The following BNC2 variants were observed in gnomAD, a reference collection of about 807,000 sequenced individuals.
BNC2 encodes zinc finger protein basonuclin-2.
In BNC2, 20 loss-of-function variants were observed where a neutral mutation model predicts 76.3. The observed-to-expected ratio is 0.26, with a 90% CI of 0.18 to 0.38. The LOEUF is 0.38. Among genes scored for constraint, BNC2 ranks in the 10% least tolerant of loss-of-function variants. The probability of loss-of-function intolerance (pLI) is 1.00; values close to 1 mark genes in which losing one functional copy is unlikely to be tolerated. For synonymous variants in BNC2, 582 were observed against 514.8 expected (o/e 1.13, Z -1.77); for missense variants, 1,382 against 1,399.8 (o/e 0.99, Z 0.20).
chr9:16,634,929 C>G (rs1229916068), intron 3 of BNC2, among the ~76,000 whole-genome samples: 2 of 151,994 alleles, frequency 1.3e-5, no homozygotes, highest in East Asian at 3.9e-4. Context: ...CCAGCAATTT[C>G]CTTACATATT....
chr9:16,490,254 A>G (rs1243756965), intron 5 of BNC2, among the ~76,000 whole-genome samples: 2 of 152,304 alleles, frequency 1.3e-5, no homozygotes, highest in East Asian at 1.9e-4. Context: ...GGTGAGAGGC[A>G]CTTCTAACAT....
chr9:16,696,597 GAACT>G (rs951205315), intron 3 of BNC2, among the ~76,000 whole-genome samples: 2 of 152,104 alleles, frequency 1.3e-5, no homozygotes, highest in African/African-American at 4.8e-5. Flanking sequence ...TTAGGATCAA[GAACT>G]AACTTATTTC....
At position 16,414,834 on chromosome 9, in the gene BNC2, G is replaced by A. The variant is rs552099874; in HGVS notation, c.*4155C>T. 7.2e-5 allele frequency: 11 copies of A among 152,202 alleles called. No individual in the cohort carries two copies. The highest frequency in any genetic ancestry group is 2.6e-4 in the African/African-American group (11 of 41,510). The allele number at this position is 152,202 out of a possible 1,614,324, so 9.4% of individuals were successfully genotyped here. ...GTGTACAGAGAAAGGGGAAAAAAAGGTCACATTGTATTTGGTGGGAACCTA... is the reference window on the plus strand; with the variant it reads ...GTGTACAGAGAAAGGGGAAAAAAAGATCACATTGTATTTGGTGGGAACCTA... On this transcript the variant is annotated 3_prime_UTR_variant, in exon 7 of 7. Transcript: ENST00000380672.
intron 1 of BNC2, among the ~76,000 whole-genome samples, chr9:16,830,653 T>C (rs151334698): frequency 4.5e-4 from 69 of 152,330 alleles, no homozygotes; most frequent in African/African-American, 1.6e-3. Flanking sequence ...AACTTACAAA[T>C]CTTGTTTCCA....
At chr9:16,870,504 G>T in intron 1 of BNC2, 142 bp downstream of exon 1, 1 of 836,926 alleles carries the variant, frequency 1.2e-6, no homozygotes, top group Non-Finnish European at 1.8e-6. Flanking sequence ...TCCCCGGCCC[G>T]CCCTCCTCAG....
intron 5 of BNC2, among the ~76,000 whole-genome samples, chr9:16,491,486 G>A (rs1196251733): frequency 6.6e-6 from 1 of 152,170 alleles, no homozygotes; most frequent in Non-Finnish European, 1.5e-5. Flanking sequence ...AACTCCTACA[G>A]CACACGCAGT....
chr9:16,770,082 A>G (rs920812538), intron 1 of BNC2, among the ~76,000 whole-genome samples: 1 of 152,184 alleles, frequency 6.6e-6, no homozygotes, highest in African/African-American at 2.4e-5. Context: ...GCCAGAAACA[A>G]GGAGGTCTTT....
chr9:16,421,619 A>C (rs562703571), intron 6 of BNC2, among the ~76,000 whole-genome samples: 1 of 152,236 alleles, frequency 6.6e-6, no homozygotes, highest in East Asian at 1.9e-4. Flanking sequence ...TGATAAACAG[A>C]AGTTGTCCCC....
At chr9:16,743,496 G>A (rs551889852) in intron 1 of BNC2, among the ~76,000 whole-genome samples, 112 of 152,266 alleles carry the variant, frequency 7.4e-4, no homozygotes, top group Non-Finnish European at 1.3e-3. Flanking sequence ...TATCAGAGGC[G>A]TGGACCTTTG....
At chr9:16,669,628 G>C (rs942022713) in intron 3 of BNC2, among the ~76,000 whole-genome samples, 3 of 152,182 alleles carry the variant, frequency 2.0e-5, no homozygotes, top group South Asian at 2.1e-4. Context: ...AACTTATTGA[G>C]GGAATTAAAG....
chr9:16,861,181 A>AACATATATATAT (rs1287136917), intron 1 of BNC2, among the ~76,000 whole-genome samples: 8 of 131,696 alleles, frequency 6.1e-5, no homozygotes, highest in African/African-American at 2.5e-4. Context: ...ATCTCTACAA[A>AACATATATATAT]ATATATATAT....
intron 5 of BNC2, among the ~76,000 whole-genome samples, chr9:16,526,467 C>CCTT (rs1817805055): frequency 2.0e-5 from 1 of 48,790 alleles, no homozygotes; most frequent in Admixed American, 2.7e-4. Flanking sequence ...TAGTTTAATG[C>CCTT]TTTTTTTTTT....
chr9:16,624,513 G>T (rs920231590), intron 3 of BNC2, among the ~76,000 whole-genome samples: 3 of 152,140 alleles, frequency 2.0e-5, no homozygotes, highest in Non-Finnish European at 4.4e-5. Flanking sequence ...TTTAAAAACA[G>T]ATCAGGTCAC....
chr9:16,437,052 G>A lies in BNC2; in HGVS notation c.1142C>T (p.Thr381Ile), dbSNP rs1821032035. The A allele has an allele frequency of 6.2e-7, 1 of 1,614,136 alleles. No individual in the cohort carries two copies. The highest frequency in any genetic ancestry group is 8.5e-7 in the Non-Finnish European group (1 of 1,180,032). ...GCTGGTCAGGGCATTTCTATTGGGTGTTTGATCATTCTTATAAGGTGTGGG... is the reference window on the plus strand; with the variant it reads ...GCTGGTCAGGGCATTTCTATTGGGTATTTGATCATTCTTATAAGGTGTGGG... Reference protein sequence around the residue: ...VSPTPYKNDQTPNRNALTSIT... With the variant: ...VSPTPYKNDQIPNRNALTSIT... Residue 381 changes from threonine (T) to isoleucine (I), a missense_variant, in exon 6 of 7, where the codon ACA (threonine) becomes ATA (isoleucine). By Grantham distance (89) the Thr-to-Ile change is moderately conservative (BLOSUM62 -1). Transcript: ENST00000380672.
intron 5 of BNC2, among the ~76,000 whole-genome samples, chr9:16,499,524 T>C (rs1467677439): frequency 7.7e-6 from 1 of 129,792 alleles, no homozygotes; most frequent in African/African-American, 3.0e-5. Flanking sequence ...AAATATCTTT[T>C]TTTTTCTTTT....
At chr9:16,689,565 G>C (rs1023874935) in intron 3 of BNC2, among the ~76,000 whole-genome samples, 1 of 152,014 alleles carries the variant, frequency 6.6e-6, no homozygotes, top group Non-Finnish European at 1.5e-5. Context: ...CAGTTCTGAA[G>C]TGTATGTGTT....
intron 3 of BNC2, among the ~76,000 whole-genome samples, chr9:16,593,308 G>A (rs1279580112): frequency 3.3e-5 from 5 of 151,982 alleles, no homozygotes; most frequent in Non-Finnish European, 7.4e-5. Flanking sequence ...ATACAAACAG[G>A]GAGAAAGGGA....
chr9:16,679,215 T>A (rs907316615), intron 3 of BNC2, among the ~76,000 whole-genome samples: 2 of 152,114 alleles, frequency 1.3e-5, no homozygotes, highest in African/African-American at 4.8e-5. Flanking sequence ...TTTCTGCCCA[T>A]CCACCTACAC....
chr9:16,696,177 C>G (rs1424850939), intron 3 of BNC2, among the ~76,000 whole-genome samples: 1 of 152,144 alleles, frequency 6.6e-6, no homozygotes, highest in Non-Finnish European at 1.5e-5. Context: ...ATACACCACC[C>G]CTCCAATTGT....
Sources: gnomAD v4.1 joint callset for allele counts (sites outside exome capture counted in the v4.1 genomes callset) on GRCh38, gnomAD v4.1.1 for gene constraint, MANE v1.5 for transcripts, NCBI Gene and HGNC (gene_info 2026-07-23, HGNC 2026-07-21) for gene names.